NIPBL: variants seen among roughly 807,000 people sequenced by gnomAD.
NIPBL encodes the protein nipped-B-like protein.
In NIPBL, 19 loss-of-function variants were observed where a neutral mutation model predicts 321.8. That is an observed-to-expected ratio of 0.06 (90% CI 0.04 to 0.09). The LOEUF is 0.09. Ranked by LOEUF, NIPBL falls within the 10% of genes least tolerant of loss-of-function variation. The pLI is 1.00. For missense variants in NIPBL, 2,210 were observed against 3,327.0 expected, an observed-to-expected ratio of 0.66 and a Z score of 8.26; for synonymous variants, 1,106 against 1,114.1, an observed-to-expected ratio of 0.99 and a Z score of 0.14.
intron 9 of NIPBL, among the ~76,000 whole-genome samples, chr5:36,977,654 C>A (rs1365130084): frequency 1.4e-5 from 2 of 147,842 alleles, no homozygotes; most frequent in South Asian, 4.3e-4. Context: ...GGGTTTGTTA[C>A]GTGGGTATAT....
chr5:36,953,485 G>A (rs1740629980), intron 1 of NIPBL, 133 bp from the exon 2 acceptor site: 2 of 593,504 alleles, frequency 3.4e-6, no homozygotes. Flanking sequence ...GTAATAAGTG[G>A]TATGTGAAAA....
chr5:36,989,751 A>ATT (rs1020676236), intron 10 of NIPBL, among the ~76,000 whole-genome samples: 2 of 150,924 alleles, frequency 1.3e-5, no homozygotes, highest in Admixed American at 1.3e-4. Flanking sequence ...AAGCAGGAGA[A>ATT]TCGCTTGAAC....
intron 10 of NIPBL, among the ~76,000 whole-genome samples, chr5:36,989,414 G>A (rs1324190092): frequency 6.6e-6 from 1 of 152,086 alleles, no homozygotes; most frequent in Admixed American, 6.5e-5. Context: ...GTAACTGTTT[G>A]TAGAATTCTT....
intron 1 of NIPBL, among the ~76,000 whole-genome samples, chr5:36,897,903 AAAGC>A (rs1389605156): frequency 1.3e-5 from 2 of 151,882 alleles, no homozygotes; most frequent in Non-Finnish European, 2.9e-5. Flanking sequence ...AAAAAAAAAA[AAAGC>A]AAGGAGGGAA....
At chr5:37,023,750 CTTTTTTTTTT>C (rs779595045) in intron 29 of NIPBL, among the ~76,000 whole-genome samples, 1 of 75,860 alleles carries the variant, frequency 1.3e-5, no homozygotes, top group Non-Finnish European at 2.7e-5. Flanking sequence ...TTTTCTTATT[CTTTTTTTTTT>C]TTTTTTTTTT....
chr5:36,955,617 C>T lies in NIPBL; in HGVS notation c.210C>T (p.Asn70=). 1 of 1,613,878 alleles carries T rather than the reference C, an allele frequency of 6.2e-7. No homozygotes were observed. The highest frequency in any genetic ancestry group is 1.3e-5 in the African/African-American group (1 of 74,998). Residue 70 remains asparagine (N), a synonymous_variant, in exon 3 of 47, where the codon AAC becomes AAT. Transcript: ENST00000282516. ...TTTCACAGCTTGTCCATAGCCTCAACCAGGTATCAACAGATCACATGTAAG... is the reference window on the plus strand; with the variant it reads ...TTTCACAGCTTGTCCATAGCCTCAATCAGGTATCAACAGATCACATGTAAG... ...NLVSQLVHSL[N]QVSTDHIELK...
chr5:36,933,929 G>A (rs1749971850), intron 1 of NIPBL, among the ~76,000 whole-genome samples: 1 of 151,876 alleles, frequency 6.6e-6, no homozygotes, highest in African/African-American at 2.4e-5. Context: ...GGGGGGGTGG[G>A]CAGTTTCTAT....
At chr5:36,880,113 CATT>C in intron 1 of NIPBL, among the ~76,000 whole-genome samples, 1 of 125,410 alleles carries the variant, frequency 8.0e-6, no homozygotes, top group Middle Eastern at 5.6e-3. Context: ...TCATAGTAAT[CATT>C]ATTAAATTTC....
intron 8 of NIPBL, among the ~76,000 whole-genome samples, chr5:36,973,691 G>A (rs926259421): frequency 1.8e-4 from 27 of 151,958 alleles, no homozygotes; most frequent in Admixed American, 1.5e-3. Context: ...GGCTGGTCTC[G>A]AACTCCTGAC....
Position 36,971,055 on chromosome 5 carries a change from T to C in NIPBL, c.771+19T>C. ...TAGTGACGTATGTAATATATTATCA[T>C]TAAGGTGATAAAATAGTTCTAATAT... On this transcript the variant is annotated intron_variant, in intron 7 of 46. Coordinates refer to ENST00000282516, the MANE Select transcript of NIPBL (RefSeq NM_133433.4). 2.5e-6 allele frequency: 4 copies of C among 1,592,842 alleles called. No individual in the cohort carries two copies. The highest frequency in any genetic ancestry group is 3.4e-6 in the Non-Finnish European group (4 of 1,160,900).
chr5:36,959,429 G>A (rs192745311), intron 4 of NIPBL, among the ~76,000 whole-genome samples: 70 of 152,228 alleles, frequency 4.6e-4, no homozygotes, highest in African/African-American at 1.6e-3. Context: ...TGACCGACTT[G>A]CCTTTTAGCA....
At position 36,971,426 on chromosome 5, in the gene NIPBL, T is replaced by A. The variant is rs1019029478; in HGVS notation, c.771+390T>A. Among the ~76,000 whole-genome samples the A allele has an allele frequency of 1.2e-4, 17 of 146,536 alleles. 1 individual carries two copies. The highest frequency in any genetic ancestry group is 2.0e-4 in the Non-Finnish European group (13 of 66,038). On this transcript the variant is annotated intron_variant, in intron 7 of 46. Coordinates refer to ENST00000282516, the MANE Select transcript of NIPBL (RefSeq NM_133433.4). ...TAGGTTAATACTGCTCACACTAAAA[T>A]TTTTTTTTTTTTAGATAATGAGCCT...
At chr5:36,940,988 G>A (rs1178949968) in intron 1 of NIPBL, among the ~76,000 whole-genome samples, 5 of 152,068 alleles carry the variant, frequency 3.3e-5, no homozygotes, top group African/African-American at 1.2e-4. Flanking sequence ...TGTCTATTTG[G>A]TTTACCACTG....
At chr5:37,020,707 C>A (rs754063773) in intron 26 of NIPBL, 34 bp downstream of exon 26, 2 of 1,598,990 alleles carry the variant, frequency 1.3e-6, no homozygotes, top group South Asian at 2.2e-5. Flanking sequence ...TTACATTTAT[C>A]TCCTTGATAT....
intron 1 of NIPBL, 21 bp downstream of exon 1, chr5:36,877,199 T>TCGG (rs964914981): frequency 3.7e-4 from 70 of 187,734 alleles, no homozygotes; most frequent in East Asian, 2.3e-3. Context: ...GCTCTTTATT[T>TCGG]CGGCGGCGGC....
chr5:37,048,587 C>T lies in NIPBL; in HGVS notation c.6675C>T (p.Ser2225=), dbSNP rs756057442. 6.3e-7 allele frequency: 1 copy of T among 1,598,990 alleles called. No homozygotes were observed. The change falls in exon 39 of 47, where the codon TCC becomes TCT. Residue 2225 remains serine (S), a synonymous_variant. Transcript: ENST00000282516. ...LYNNILSDKN[S]SVNLKIQVLK... is the part of the protein sequence containing the mutation. ...ATAATATTTTATCTGATAAGAACTCCTCAGTCAATTTAAAAATACAAGTGT... is the reference window on the plus strand; with the variant it reads ...ATAATATTTTATCTGATAAGAACTCTTCAGTCAATTTAAAAATACAAGTGT...
rs557896447 is a variant in NIPBL at position 36,977,465 on chromosome 5, G to GA, written c.1495+1071dup. Among the ~76,000 whole-genome samples, 738 of 150,848 alleles carry GA rather than the reference G, an allele frequency of 4.9e-3. 4 individuals are homozygous for GA. Among genetic ancestry groups the GA allele is most frequent in the Admixed American group, 7.2e-3 (109 of 15,136 alleles). ...CATGATGGCTCATTTTAATGTTATTGAAAAAAAATGGACTGTATTTAGTAA... is the reference window on the plus strand; with the variant it reads ...CATGATGGCTCATTTTAATGTTATTGAAAAAAAAATGGACTGTATTTAGTAA... On this transcript the variant is annotated intron_variant, in intron 9 of 46. Transcript: ENST00000282516.
chr5:37,044,072 T>C (rs1368350477), intron 34 of NIPBL, among the ~76,000 whole-genome samples: 1 of 152,228 alleles, frequency 6.6e-6, no homozygotes, highest in African/African-American at 2.4e-5. Flanking sequence ...AATACCTTTG[T>C]TTAGAATTGA....
At chr5:37,058,769 A>G (rs2149752316) in intron 43 of NIPBL, 122 bp from the exon 44 acceptor site, 1 of 782,542 alleles carries the variant, frequency 1.3e-6, no homozygotes, top group Admixed American at 2.9e-5. Context: ...TTGTTGATAT[A>G]AAGTCAAGAG....
Sources: allele counts gnomAD v4.1 joint callset (sites outside exome capture counted in the v4.1 genomes callset), GRCh38; gene constraint gnomAD v4.1.1; transcripts MANE v1.5; gene names NCBI Gene and HGNC (gene_info 2026-07-23, HGNC 2026-07-21).